Variants in FAP observed in about 807,000 individuals in gnomAD.
FAP encodes the protein fibroblast activation protein alpha.
Under a neutral mutation model 126.5 loss-of-function variants are expected in FAP, and 110 were observed. That is an observed-to-expected ratio of 0.87 (90% CI 0.74 to 1.02). FAP has a LOEUF of 1.02. Among genes scored for constraint, FAP ranks in the 50% least tolerant of loss-of-function variants. The pLI is 0.00. For synonymous variants in FAP, 334 were observed against 297.3 expected, an observed-to-expected ratio of 1.12 and a Z score of -1.27; for missense variants, 919 against 909.2, an observed-to-expected ratio of 1.01 and a Z score of -0.14.
chr2:162,222,188 A>G (rs1309833274), intron 6 of FAP, among the ~76,000 whole-genome samples: 1 of 152,222 alleles, frequency 6.6e-6, no homozygotes, highest in Non-Finnish European at 1.5e-5. Context: ...AAGAAAAACA[A>G]AGACATGATG....
Position 162,215,937 on chromosome 2 carries a change from C to T in FAP, c.827G>A (p.Gly276Asp). 3 of 1,613,970 alleles carry T rather than the reference C, an allele frequency of 1.9e-6. No homozygotes were observed. The South Asian group carries it at 3.3e-5, about 18-fold the overall frequency. ...IIDTTYPAYV[G>D]PQEVPVPAMI... is the part of the protein sequence containing the mutation. ...TGCTGGAACAGGCACTTCCTGGGGA[C>T]CTACATACGCAGGGTAAGTGGTATC... is the stretch of plus-strand genomic sequence containing the variant. The change falls in exon 10 of 26, where the codon GGT becomes GAT. Residue 276 changes from glycine to aspartate, a missense_variant. Coordinates refer to ENST00000188790, the MANE Select transcript of FAP (RefSeq NM_004460.5).
chr2:162,188,259 CGA>C lies in FAP; in HGVS notation c.1722_1723del (p.Gly576AsnfsTer6). The C allele has an allele frequency of 6.2e-7, 1 of 1,613,292 alleles. No individual in the cohort carries two copies. Among genetic ancestry groups the C allele is most frequent in the African/African-American group, 1.3e-5 (1 of 74,938 alleles). On this transcript the variant is annotated frameshift_variant, in exon 20 of 26. Transcript: ENST00000188790. LOFTEE classifies it high-confidence loss of function. ...TTTGTCACCTTGGAAAGCTGTTCCTCGACCATCCACCAAGGCAATGACCATCC... is the reference window on the plus strand; with the variant it reads ...TTTGTCACCTTGGAAAGCTGTTCCTCCCATCCACCAAGGCAATGACCATCC...
At chr2:162,172,206 C>CCAA (rs1451380989) in intron 25 of FAP, 2 of 152,268 alleles carry the variant, frequency 1.3e-5, no homozygotes, top group East Asian at 3.9e-4. Flanking sequence ...TGCCCCGCCC[C>CCAA]CAACTTTGGC....
At position 162,182,796 on chromosome 2, in the gene FAP, A is replaced by G. The variant is rs1220952876; in HGVS notation, c.1869+618T>C. 3.9e-5 allele frequency among the ~76,000 whole-genome samples: 6 copies of G among 152,244 alleles called. No individual in the cohort carries two copies. In the East Asian group the frequency reaches 5.8e-4, roughly 15 times the overall value. On this transcript the variant is annotated intron_variant, in intron 21 of 25. Transcript: ENST00000188790. Reference sequence around the variant, plus strand: ...CTTTCCAGTGACTTCATTGCCCATAAACGATAAGTTTTGCCACTTTCTTTA... The same window carrying G: ...CTTTCCAGTGACTTCATTGCCCATAGACGATAAGTTTTGCCACTTTCTTTA...
intron 15 of FAP, 65 bp from the exon 16 acceptor site, chr2:162,198,946 T>C: frequency 6.9e-7 from 1 of 1,439,532 alleles, no homozygotes; most frequent in Non-Finnish European, 9.7e-7. Context: ...AATGTACTAC[T>C]CCATGTAAAG....
chr2:162,198,808 A>G lies in FAP; in HGVS notation c.1351T>C (p.Tyr451His), dbSNP rs1207383059. The G allele has an allele frequency of 2.5e-6, 4 of 1,614,120 alleles. No homozygotes were observed. In the South Asian group the frequency reaches 4.4e-5, roughly 18 times the overall value. Residue 451 changes from tyrosine to histidine, a missense_variant, in exon 16 of 26, where the codon TAC becomes CAC. Physicochemically the swap from Tyr to His is moderately conservative, Grantham distance 83. Transcript: ENST00000188790. ...CHLRKERCQYYTASFSDYAKY... is the reference protein window; with the variant it reads ...CHLRKERCQYHTASFSDYAKY... ...GCGTAGTCGCTGAAACTTGCTGTGT[A>G]ATATTGGCACCTTTCTTTCCTTAGA... is the stretch of plus-strand genomic sequence containing the variant.
intron 24 of FAP, 28 bp downstream of exon 24, chr2:162,173,121 A>T (rs1439734233): frequency 6.3e-7 from 1 of 1,583,254 alleles, no homozygotes; most frequent in African/African-American, 1.3e-5. Context: ...CAGTATTTTT[A>T]TGTGTAAGAG....
Position 162,194,697 on chromosome 2 carries a change from G to A in FAP, c.1450+4C>T. ...CAAGATAGATAACATGCAAGAGAGA[G>A]TACCTTGATCAGTGCGTCCATCATG... On this transcript the variant is annotated splice_donor_region_variant and intron_variant, in intron 17 of 25. Transcript: ENST00000188790. 1 of 1,613,144 alleles carries A rather than the reference G, an allele frequency of 6.2e-7. No individual in the cohort carries two copies. The highest frequency in any genetic ancestry group is 8.5e-7 in the Non-Finnish European group (1 of 1,179,248).
chr2:162,216,208 A>T (rs1293950419), intron 9 of FAP, among the ~76,000 whole-genome samples: 3 of 152,194 alleles, frequency 2.0e-5, no homozygotes, highest in African/African-American at 7.2e-5. Flanking sequence ...CCAGAGCAAA[A>T]CTATGTGTTT....
At chr2:162,184,671 C>T (rs1403664959) in intron 20 of FAP, among the ~76,000 whole-genome samples, 2 of 152,118 alleles carry the variant, frequency 1.3e-5, no homozygotes, top group African/African-American at 4.8e-5. Context: ...GGATGCTGCT[C>T]ATGGTATAGA....
At chr2:162,229,981 G>A (rs998074662) in intron 2 of FAP, among the ~76,000 whole-genome samples, 1 of 152,156 alleles carries the variant, frequency 6.6e-6, no homozygotes, top group African/African-American at 2.4e-5. Flanking sequence ...ATCCAGATAA[G>A]CCAGCTACAT....
At position 162,226,643 on chromosome 2, in the gene FAP, A is replaced by G. The variant is rs1277100918; in HGVS notation, c.92-22T>C. Reference sequence around the variant, plus strand: ...TGAACTTTGGGGGAAGAGCAAATACATCCTTATTAAAAAGAAGGTTAACAA... The same window carrying G: ...TGAACTTTGGGGGAAGAGCAAATACGTCCTTATTAAAAAGAAGGTTAACAA... On this transcript the variant is annotated intron_variant, in intron 2 of 25. Coordinates refer to ENST00000188790, the MANE Select transcript of FAP (RefSeq NM_004460.5). 3 of 1,268,108 alleles carry G rather than the reference A, an allele frequency of 2.4e-6. No homozygotes were observed. In the African/African-American group the frequency reaches 4.5e-5, roughly 19 times the overall value. The allele number at this position is 1,268,108 out of a possible 1,614,324, so 78.6% of individuals were successfully genotyped here. A position where few individuals can be genotyped will look rare whatever the true frequency, so the allele number is the denominator to read the frequency against.
At chr2:162,218,927 G>A (rs912930064) in intron 8 of FAP, 136 bp downstream of exon 8, 61 of 614,952 alleles carry the variant, frequency 9.9e-5, no homozygotes, top group South Asian at 1.2e-4. Flanking sequence ...TGCCCTATTC[G>A]TAACCTAGAG....
At chr2:162,227,560 C>T (rs1393782936) in intron 2 of FAP, among the ~76,000 whole-genome samples, 1 of 152,098 alleles carries the variant, frequency 6.6e-6, no homozygotes, top group Non-Finnish European at 1.5e-5. Flanking sequence ...GATCCTATAC[C>T]TTGAATGCCA....
At chr2:162,171,138 T>C (rs1256227159) in intron 25 of FAP, 58 bp from the exon 26 acceptor site, 4 of 1,353,518 alleles carry the variant, frequency 3.0e-6, no homozygotes, top group Non-Finnish European at 4.2e-6. Context: ...GCATTTAGCT[T>C]GGACTTTTTT....
chr2:162,233,401 G>A (rs750132929), intron 2 of FAP, among the ~76,000 whole-genome samples: 60 of 152,044 alleles, frequency 3.9e-4, no homozygotes, highest in Non-Finnish European at 6.8e-4. Flanking sequence ...AGGCTTTAAC[G>A]GATGCCTAAT....
chr2:162,172,945 T>C, intron 24 of FAP, 61 bp from the exon 25 acceptor site: 1 of 1,347,954 alleles, frequency 7.4e-7, no homozygotes, highest in South Asian at 1.2e-5. Context: ...AGAGTGACAA[T>C]GTACTGCCTG....
intron 17 of FAP, among the ~76,000 whole-genome samples, chr2:162,190,621 T>C (rs925578108): frequency 2.0e-5 from 3 of 152,114 alleles, no homozygotes; most frequent in Non-Finnish European, 2.9e-5. Flanking sequence ...CTGGGATTGA[T>C]ATCAGCATCT....
intron 2 of FAP, among the ~76,000 whole-genome samples, chr2:162,231,572 A>G (rs1576196738): frequency 6.6e-6 from 1 of 152,142 alleles, no homozygotes; most frequent in South Asian, 2.1e-4. Context: ...TTGCTTAAAC[A>G]CTCTCATTAA....
Sources: allele counts gnomAD v4.1 joint callset (sites outside exome capture counted in the v4.1 genomes callset), GRCh38; gene constraint gnomAD v4.1.1; transcripts MANE v1.5; gene names NCBI Gene and HGNC (gene_info 2026-07-23, HGNC 2026-07-21).